PARD3B: variants seen among roughly 807,000 people sequenced by gnomAD.
PARD3B encodes partitioning defective 3 homolog B.
PARD3B carries 103 observed loss-of-function variants against 130.2 expected under a neutral mutation model. The ratio of observed to expected loss-of-function variants is 0.79; its 90% CI spans 0.67 to 0.93. PARD3B has a LOEUF of 0.93. PARD3B is among the 40% of genes least tolerant of loss of function. The pLI is 0.00. For missense variants in PARD3B, 1,609 were observed against 1,499.2 expected (o/e 1.07, Z -1.21); for synonymous variants, 583 against 553.2 (o/e 1.05, Z -0.76).
intron 3 of PARD3B, among the ~76,000 whole-genome samples, chr2:205,036,852 T>TGGACTGTATATGTAAAGAACATATGTAGC (rs1697962160): frequency 1.3e-5 from 2 of 150,470 alleles, no homozygotes; most frequent in African/African-American, 4.9e-5. Context: ...ACATATATAG[T>TGGACTGTATATGTAAAGAACATATGTAGC]GGACTGTATA....
intron 21 of PARD3B, among the ~76,000 whole-genome samples, chr2:205,532,547 T>C (rs1014619807): frequency 1.3e-5 from 2 of 152,184 alleles, no homozygotes; most frequent in Admixed American, 6.5e-5. Context: ...ACACCTTACA[T>C]AGGGCAGTTG....
At chr2:205,528,887 C>T (rs1575265195) in intron 21 of PARD3B, among the ~76,000 whole-genome samples, 1 of 152,060 alleles carries the variant, frequency 6.6e-6, no homozygotes, top group Admixed American at 6.6e-5. Flanking sequence ...TGACAATGTT[C>T]CAAGTGGCTA....
chr2:205,404,778 T>C (rs2046364519), intron 19 of PARD3B, among the ~76,000 whole-genome samples: 1 of 152,126 alleles, frequency 6.6e-6, no homozygotes, highest in African/African-American at 2.4e-5. Flanking sequence ...GCCTCCCAAG[T>C]GCTGGGTTTA....
chr2:204,914,214 C>T (rs2125732597), intron 2 of PARD3B, among the ~76,000 whole-genome samples: 1 of 152,272 alleles, frequency 6.6e-6, no homozygotes, highest in East Asian at 1.9e-4. Context: ...ACAAGAACCT[C>T]TCTTGCTTTG....
At chr2:205,438,202 GAT>G (rs1239800830) in intron 19 of PARD3B, among the ~76,000 whole-genome samples, 3 of 152,124 alleles carry the variant, frequency 2.0e-5, no homozygotes, top group African/African-American at 7.2e-5. Context: ...AAAAATATAA[GAT>G]AAAATATTGC....
chr2:205,601,692 G>T (rs547308127), intron 22 of PARD3B, among the ~76,000 whole-genome samples: 15 of 152,114 alleles, frequency 9.9e-5, no homozygotes, highest in African/African-American at 3.4e-4. Context: ...ATAAGGAAGG[G>T]GTCCAGTTTA....
rs1008855826 is a variant in PARD3B, at chr2:204,603,682, A to C, written c.120+57563A>C. ...AACTCCACTTTACAGACCACACTTG[A>C]TCACTCCAGCACAATTGTATTTGGC... is the stretch of plus-strand genomic sequence containing the variant. On this transcript the variant is annotated intron_variant, in intron 1 of 22. Coordinates refer to ENST00000406610, the MANE Select transcript of PARD3B (RefSeq NM_001302769.2). Among the ~76,000 whole-genome samples, 6 of 152,250 alleles carry C rather than the reference A, an allele frequency of 3.9e-5. No individual in the cohort carries two copies. The South Asian group carries it at 6.2e-4, about 16-fold the overall frequency.
At chr2:205,212,848 T>C (rs1374343840) in intron 15 of PARD3B, among the ~76,000 whole-genome samples, 1 of 152,164 alleles carries the variant, frequency 6.6e-6, no homozygotes. Flanking sequence ...CTTCAGTGCC[T>C]ATTAATCTAG....
At position 205,268,604 on chromosome 2, in the gene PARD3B, C is replaced by G. The variant is rs185519799; in HGVS notation, c.2185+22782C>G. 6.6e-6 allele frequency among the ~76,000 whole-genome samples: 1 copy of G among 151,814 alleles called. No individual in the cohort carries two copies. The highest frequency in any genetic ancestry group is 1.5e-5 in the Non-Finnish European group (1 of 67,972). The stretch of plus-strand genomic sequence containing the variant: ...CTCTAATGCCACTAGTATTAGGAGG[C>G]GGTAATTTGCAGATAAAAAGTAAAA... On this transcript the variant is annotated intron_variant, in intron 16 of 22. Transcript: ENST00000406610. The surrounding 1 kb of genome is among the most constrained non-coding windows in gnomAD (Gnocchi z 4.1).
Position 204,908,000 on chromosome 2 carries a change from C to A in PARD3B, c.223-57152C>A, listed in dbSNP as rs1415286937. Among the ~76,000 whole-genome samples, 1 of 152,146 alleles carries A rather than the reference C, an allele frequency of 6.6e-6. No homozygotes were observed. The highest frequency in any genetic ancestry group is 1.5e-5 in the Non-Finnish European group (1 of 68,030). ...TGCGGGCATGAGCCACCGCACCCAGCCTAAAGAGTGTTTTTTAAGTTCCCT... is the reference window on the plus strand; with the variant it reads ...TGCGGGCATGAGCCACCGCACCCAGACTAAAGAGTGTTTTTTAAGTTCCCT... On this transcript the variant is annotated intron_variant, in intron 2 of 22. Transcript: ENST00000406610. The surrounding 1 kb of genome is among the most constrained non-coding windows in gnomAD (Gnocchi z 5.7).
chr2:205,138,532 A>G (rs1435497168), intron 10 of PARD3B, among the ~76,000 whole-genome samples: 1 of 152,242 alleles, frequency 6.6e-6, no homozygotes, highest in Non-Finnish European at 1.5e-5. Context: ...TTAAATGCTG[A>G]AATTATCAAA....
Position 205,397,750 on chromosome 2 carries a change from C to T in PARD3B, c.2631-3263C>T, listed in dbSNP as rs1487214287. Reference sequence around the variant, plus strand: ...CATTATTTCTACCCTGACTCCCCACCGTGTTGAATATTTTGCCCAAACATT... The same window carrying T: ...CATTATTTCTACCCTGACTCCCCACTGTGTTGAATATTTTGCCCAAACATT... On this transcript the variant is annotated intron_variant, in intron 18 of 22. Coordinates refer to ENST00000406610, the MANE Select transcript of PARD3B (RefSeq NM_001302769.2). The surrounding 1 kb of genome is among the most constrained non-coding windows in gnomAD (Gnocchi z 4.8). Among the ~76,000 whole-genome samples, 2 of 152,100 alleles carry T rather than the reference C, an allele frequency of 1.3e-5. No individual in the cohort carries two copies. Among genetic ancestry groups the T allele is most frequent in the Non-Finnish European group, 2.9e-5 (2 of 68,016 alleles).
chr2:204,748,440 CT>C (rs145126218), intron 2 of PARD3B, among the ~76,000 whole-genome samples: 2,610 of 152,136 alleles, frequency 0.017, 32 homozygotes, highest in Middle Eastern at 0.069. Context: ...CATTTTTCTA[CT>C]CATCTTCCTA....
At chr2:205,172,939 A>C (rs980557353) in intron 12 of PARD3B, among the ~76,000 whole-genome samples, 1 of 152,110 alleles carries the variant, frequency 6.6e-6, no homozygotes, top group Non-Finnish European at 1.5e-5. Flanking sequence ...TTTCACTTAC[A>C]CATGGAGTCT....
intron 1 of PARD3B, among the ~76,000 whole-genome samples, chr2:204,616,768 A>G (rs1287216479): frequency 6.6e-6 from 1 of 152,192 alleles, no homozygotes; most frequent in Non-Finnish European, 1.5e-5. Context: ...CATCCAGACA[A>G]TGGAATATTA....
chr2:204,776,640 T>C (rs1198361578), intron 2 of PARD3B, among the ~76,000 whole-genome samples: 1 of 152,014 alleles, frequency 6.6e-6, no homozygotes, highest in Middle Eastern at 3.2e-3. Context: ...ACTTTGCCTT[T>C]TGTATAATAA....
intron 2 of PARD3B, among the ~76,000 whole-genome samples, chr2:204,896,561 TG>T (rs982818505): frequency 2.0e-5 from 3 of 152,168 alleles, no homozygotes; most frequent in African/African-American, 7.2e-5. Context: ...GAGGACAAAT[TG>T]AAAAGGTGTA....
intron 4 of PARD3B, among the ~76,000 whole-genome samples, chr2:205,068,599 T>C (rs1008093798): frequency 4.0e-5 from 6 of 151,778 alleles, no homozygotes; most frequent in Non-Finnish European, 7.4e-5. Context: ...TTTTACCTTT[T>C]CCTAGCTTCT....
At position 204,746,018 on chromosome 2, in the gene PARD3B, A is replaced by C. The variant is rs549091748; in HGVS notation, c.222+59736A>C. On this transcript the variant is annotated intron_variant, in intron 2 of 22. Transcript: ENST00000406610. ...TATTATACTTTAAGTTCTAGGGTACATGTGTACAACGTGCAGGTTTGTTAC... is the reference window on the plus strand; with the variant it reads ...TATTATACTTTAAGTTCTAGGGTACCTGTGTACAACGTGCAGGTTTGTTAC... 2.0e-4 allele frequency among the ~76,000 whole-genome samples: 30 copies of C among 151,096 alleles called. No individual in the cohort carries two copies. In the East Asian group the frequency reaches 5.7e-3, roughly 29 times the overall value.
Sources: gnomAD v4.1 joint callset for allele counts (sites outside exome capture counted in the v4.1 genomes callset) on GRCh38, gnomAD v4.1.1 for gene constraint, Gnocchi (gnomAD v3.1) non-coding constraint, MANE v1.5 for transcripts, NCBI Gene and HGNC (gene_info 2026-07-23, HGNC 2026-07-21) for gene names.